MPDZ: variants seen among roughly 807,000 people sequenced by gnomAD.
MPDZ encodes multiple PDZ domain protein.
Under a neutral mutation model 239.1 loss-of-function variants are expected in MPDZ, and 234 were observed. That is an observed-to-expected ratio of 0.98 (90% CI 0.88 to 1.09). The LOEUF is 1.09. MPDZ is among the 50% of genes least tolerant of loss of function. The probability of loss-of-function intolerance (pLI) is 0.00; values close to 1 mark genes in which losing one functional copy is unlikely to be tolerated. For synonymous variants in MPDZ, 1,048 were observed against 881.3 expected, an observed-to-expected ratio of 1.19 and a Z score of -3.35; for missense variants, 3,175 against 2,510.0, an observed-to-expected ratio of 1.26 and a Z score of -5.66.
chr9:13,203,559 G>T (rs954129109), intron 12 of MPDZ, among the ~76,000 whole-genome samples: 1 of 152,102 alleles, frequency 6.6e-6, no homozygotes, highest in African/African-American at 2.4e-5. Flanking sequence ...GTCCAGGCTT[G>T]CACGATGTGT....
chr9:13,158,689 A>C (rs552373116), intron 23 of MPDZ, among the ~76,000 whole-genome samples: 43 of 152,294 alleles, frequency 2.8e-4, no homozygotes, highest in African/African-American at 9.6e-4. Context: ...TTAATGGAAG[A>C]AGCAGTTTAC....
chr9:13,263,447 G>A (rs991891097), intron 1 of MPDZ, among the ~76,000 whole-genome samples: 1 of 150,956 alleles, frequency 6.6e-6, no homozygotes, highest in African/African-American at 2.4e-5. Context: ...ACTTATTCGG[G>A]AAAAAATAAT....
intron 12 of MPDZ, among the ~76,000 whole-genome samples, chr9:13,199,400 G>C (rs1587728650): frequency 6.6e-6 from 1 of 151,850 alleles, no homozygotes; most frequent in Admixed American, 6.6e-5. Context: ...AACCATTTTT[G>C]GTGAACTCCT....
chr9:13,250,070 T>C (rs769650712), intron 2 of MPDZ, among the ~76,000 whole-genome samples: 1 of 152,206 alleles, frequency 6.6e-6, no homozygotes, highest in East Asian at 1.9e-4. Flanking sequence ...TGGAAGAATA[T>C]CTCATATGTT....
chr9:13,125,179 C>A, intron 35 of MPDZ, 37 bp downstream of exon 35: 1 of 1,492,630 alleles, frequency 6.7e-7, no homozygotes, highest in East Asian at 2.3e-5. Context: ...TCAGGTGTTC[C>A]ATATGTGCAG....
At chr9:13,116,714 G>C (rs1943512576) in intron 39 of MPDZ, among the ~76,000 whole-genome samples, 1 of 151,936 alleles carries the variant, frequency 6.6e-6, no homozygotes, top group Non-Finnish European at 1.5e-5. Context: ...CAAGGGTTTT[G>C]ATTATTTAAA....
chr9:13,107,927 AC>A (rs1383432450), intron 46 of MPDZ, among the ~76,000 whole-genome samples: 1 of 152,178 alleles, frequency 6.6e-6, no homozygotes, highest in African/African-American at 2.4e-5. Flanking sequence ...GAGGAAAAGG[AC>A]TGTATGACTC....
At chr9:13,145,203 C>T (rs569879091) in intron 26 of MPDZ, among the ~76,000 whole-genome samples, 6 of 152,074 alleles carry the variant, frequency 3.9e-5, no homozygotes, top group Middle Eastern at 6.8e-3. Flanking sequence ...CAGACTATTT[C>T]TTATTAAAAA....
At chr9:13,118,181 AC>A (rs1288889487) in intron 39 of MPDZ, among the ~76,000 whole-genome samples, 1 of 152,128 alleles carries the variant, frequency 6.6e-6, no homozygotes, top group Non-Finnish European at 1.5e-5. Flanking sequence ...AAAATTATTT[AC>A]ATTGTTTTAT....
chr9:13,246,062 A>G (rs1966519515), intron 3 of MPDZ, among the ~76,000 whole-genome samples: 1 of 136,134 alleles, frequency 7.3e-6, no homozygotes. Flanking sequence ...TTACACTCTG[A>G]AAAAGCAGAT....
intron 9 of MPDZ, 55 bp downstream of exon 9, chr9:13,217,125 A>T (rs1958445972): frequency 1.7e-6 from 2 of 1,148,432 alleles, no homozygotes; most frequent in African/African-American, 1.6e-5. Flanking sequence ...TTTATAAGAG[A>T]TAGATATCAG....
At chr9:13,252,815 T>G (rs1968449643) in intron 1 of MPDZ, among the ~76,000 whole-genome samples, 2 of 152,226 alleles carry the variant, frequency 1.3e-5, no homozygotes, top group South Asian at 2.1e-4. Flanking sequence ...CAAAAGTATG[T>G]TTAATCACCC....
Position 13,183,434 on chromosome 9 carries a change from G to C in MPDZ, c.2633C>G (p.Pro878Arg). The C allele has an allele frequency of 6.2e-7, 1 of 1,606,806 alleles. No homozygotes were observed. Among genetic ancestry groups the C allele is most frequent in the Non-Finnish European group, 8.5e-7 (1 of 1,177,438 alleles). ...GDGLNYGSSL[P>R]SSPPKDVIEN... ...CCTTTGTACCTTAGGAGGAGATGAT[G>C]GAAGGGAAGAACCATAGTTCAGGCC... Residue 878 changes from proline (P) to arginine (R), a missense_variant, in exon 19 of 47, where the codon CCA (proline) becomes CGA (arginine). By Grantham distance (103) the Pro-to-Arg change is moderately radical. Transcript: ENST00000319217.
intron 5 of MPDZ, among the ~76,000 whole-genome samples, chr9:13,223,181 C>G (rs906983662): frequency 6.6e-6 from 1 of 151,854 alleles, no homozygotes; most frequent in Non-Finnish European, 1.5e-5. Flanking sequence ...GGAACCAATT[C>G]CCCATGGATA....
At chr9:13,123,413 G>A (rs1039354221) in intron 35 of MPDZ, 115 bp from the exon 36 acceptor site, 28 of 748,346 alleles carry the variant, frequency 3.7e-5, no homozygotes, top group Non-Finnish European at 5.6e-5. Flanking sequence ...GCCCATGACT[G>A]TGGGAAAAGA....
chr9:13,113,870 C>T, intron 41 of MPDZ, 61 bp downstream of exon 41: 1 of 1,312,026 alleles, frequency 7.6e-7, no homozygotes, highest in South Asian at 1.3e-5. Context: ...GTAAACAAGA[C>T]AAAAAAATCA....
At chr9:13,184,122 C>G (rs1953759767) in intron 18 of MPDZ, among the ~76,000 whole-genome samples, 1 of 151,932 alleles carries the variant, frequency 6.6e-6, no homozygotes, top group African/African-American at 2.4e-5. Context: ...TAAAATTATA[C>G]TAACAAACAA....
chr9:13,213,118 A>G (rs1363405122), intron 10 of MPDZ, among the ~76,000 whole-genome samples: 2 of 152,132 alleles, frequency 1.3e-5, no homozygotes, highest in Non-Finnish European at 2.9e-5. Context: ...AACTAAAAAG[A>G]ATGAGTGTTT....
At chr9:13,159,668 G>C (rs910159059) in intron 23 of MPDZ, among the ~76,000 whole-genome samples, 4 of 152,106 alleles carry the variant, frequency 2.6e-5, no homozygotes, top group Non-Finnish European at 5.9e-5. Context: ...TAAGCAGTGA[G>C]AGCTATTCAG....
Sources: gnomAD v4.1 joint callset for allele counts (sites outside exome capture counted in the v4.1 genomes callset) on GRCh38, gnomAD v4.1.1 for gene constraint, MANE v1.5 for transcripts, NCBI Gene and HGNC (gene_info 2026-07-23, HGNC 2026-07-21) for gene names.